Variants in SLC22A25 observed in about 807,000 individuals in gnomAD.
The protein encoded by SLC22A25 is MGI:2442751, MGI:2385316, MGI:3042283, MGI:3645714, MGI:3605624, MGI:2442750.
In SLC22A25, 44 loss-of-function variants were observed where a neutral mutation model predicts 45.9. The ratio of observed to expected loss-of-function variants is 0.96; its 90% CI spans 0.75 to 1.23. SLC22A25 has a LOEUF of 1.23. Ranked by LOEUF, SLC22A25 falls within the 50% of genes most tolerant of loss-of-function variation. SLC22A25 has a pLI of 0.00. For missense variants in SLC22A25, 800 were observed against 666.4 expected (o/e 1.20, Z -2.21); for synonymous variants, 283 against 238.6 (o/e 1.19, Z -1.72).
intron 7 of SLC22A25, among the ~76,000 whole-genome samples, chr11:63,190,419 C>T (rs2088760684): frequency 6.6e-6 from 1 of 152,134 alleles, no homozygotes; most frequent in African/African-American, 2.4e-5. Context: ...GACTTCTCTG[C>T]ATTGGTTATT....
intron 1 of SLC22A25, among the ~76,000 whole-genome samples, chr11:63,240,033 G>A (rs2134865198): frequency 6.6e-6 from 1 of 152,228 alleles, no homozygotes; most frequent in African/African-American, 2.4e-5. Flanking sequence ...AACCTATATG[G>A]TGTAGTCTAA....
chr11:63,158,839 T>A lies in SLC22A25; in HGVS notation c.*4985A>T, dbSNP rs2087515122. ...TCCTGTTGTGCTATCAAATAGTAGA[T>A]CTTATTCATTCTTTCCAACTTCCTT... On this transcript the variant is annotated 3_prime_UTR_variant, in exon 12 of 12. Transcript: ENST00000306494. Among the ~76,000 whole-genome samples the A allele has an allele frequency of 6.6e-6, 1 of 152,204 alleles. No homozygotes were observed. The highest frequency in any genetic ancestry group is 6.5e-5 in the Admixed American group (1 of 15,274).
chr11:63,182,289 TG>T (rs2088356353), intron 8 of SLC22A25, among the ~76,000 whole-genome samples: 1 of 152,106 alleles, frequency 6.6e-6, no homozygotes, highest in Non-Finnish European at 1.5e-5. Flanking sequence ...TGCTATTTTT[TG>T]GATTCTACTG....
At chr11:63,196,529 GA>G (rs2089038758) in intron 7 of SLC22A25, among the ~76,000 whole-genome samples, 2 of 152,156 alleles carry the variant, frequency 1.3e-5, no homozygotes, top group African/African-American at 4.8e-5. Flanking sequence ...AATAGATGCA[GA>G]AAAGGCCTTT....
At chr11:63,187,532 T>G (rs1439469107) in intron 7 of SLC22A25, among the ~76,000 whole-genome samples, 3 of 152,200 alleles carry the variant, frequency 2.0e-5, no homozygotes, top group Admixed American at 2.0e-4. Context: ...TTGAATACAT[T>G]TATTTCCTTC....
intron 1 of SLC22A25, among the ~76,000 whole-genome samples, chr11:63,241,953 C>T (rs183979212): frequency 3.9e-5 from 6 of 152,280 alleles, no homozygotes; most frequent in African/African-American, 1.4e-4. Context: ...CAAACTCTGT[C>T]AAACAGAAAT....
intron 3 of SLC22A25, among the ~76,000 whole-genome samples, chr11:63,234,088 T>A (rs1233468355): frequency 6.6e-6 from 1 of 152,220 alleles, no homozygotes; most frequent in Non-Finnish European, 1.5e-5. Flanking sequence ...AGGAGTGGTG[T>A]GGTGCTGAAA....
chr11:63,237,580 A>G (rs1177657373), intron 3 of SLC22A25, among the ~76,000 whole-genome samples: 1 of 152,164 alleles, frequency 6.6e-6, no homozygotes, highest in East Asian at 1.9e-4. Context: ...TAAATTACCT[A>G]TCCTGTGACC....
At chr11:63,164,854 A>G (rs2087625405) in intron 10 of SLC22A25, among the ~76,000 whole-genome samples, 1 of 152,224 alleles carries the variant, frequency 6.6e-6, no homozygotes, top group African/African-American at 2.4e-5. Context: ...ATCTGAGTTG[A>G]TGCTTCAATT....
Position 63,227,589 on chromosome 11 carries a change from G to A in SLC22A25, c.506+872C>T, listed in dbSNP as rs150608512. Among the ~76,000 whole-genome samples the A allele has an allele frequency of 2.5e-3, 374 of 152,282 alleles. 3 individuals are homozygous for A. The highest frequency in any genetic ancestry group is 8.7e-3 in the African/African-American group (361 of 41,562). On this transcript the variant is annotated intron_variant, in intron 5 of 11. Coordinates refer to ENST00000306494, the MANE Select transcript of SLC22A25 (RefSeq NM_199352.6). ...TGGAATGAAGGAGTCTATTTTGGAGGTGCAAGGTGCATTGTCTGTGGTTGG... is the reference window on the plus strand; with the variant it reads ...TGGAATGAAGGAGTCTATTTTGGAGATGCAAGGTGCATTGTCTGTGGTTGG...
chr11:63,230,428 C>T (rs372876226), intron 3 of SLC22A25, among the ~76,000 whole-genome samples: 1 of 152,026 alleles, frequency 6.6e-6, no homozygotes, highest in African/African-American at 2.4e-5. Context: ...ATGTGTACAA[C>T]CAGGTTCAAA....
At chr11:63,191,847 AC>A (rs1300159269) in intron 7 of SLC22A25, among the ~76,000 whole-genome samples, 1 of 152,226 alleles carries the variant, frequency 6.6e-6, no homozygotes, top group Non-Finnish European at 1.5e-5. Context: ...TCTACAACTG[AC>A]TGATGTACCT....
intron 3 of SLC22A25, among the ~76,000 whole-genome samples, chr11:63,232,932 A>G (rs562011877): frequency 4.5e-4 from 68 of 152,276 alleles, no homozygotes; most frequent in Non-Finnish European, 9.0e-4. Flanking sequence ...ATGCTGGATT[A>G]CTTTTATTGA....
intron 9 of SLC22A25, among the ~76,000 whole-genome samples, chr11:63,170,756 T>C (rs549429505): frequency 1.9e-4 from 28 of 148,858 alleles, no homozygotes; most frequent in African/African-American, 7.0e-4. Context: ...TTGGAACAAT[T>C]CCTTCTGAAA....
intron 10 of SLC22A25, 116 bp from the exon 11 acceptor site, chr11:63,164,750 T>C: frequency 5.2e-6 from 4 of 763,996 alleles, no homozygotes; most frequent in Middle Eastern, 3.7e-4. Flanking sequence ...AAATGTACTG[T>C]AGGAAAACTG....
intron 3 of SLC22A25, among the ~76,000 whole-genome samples, chr11:63,236,594 G>C (rs923594484): frequency 3.3e-5 from 5 of 152,100 alleles, no homozygotes; most frequent in African/African-American, 1.2e-4. Flanking sequence ...TGCTTCCTGG[G>C]TGAGGTGATG....
intron 7 of SLC22A25, among the ~76,000 whole-genome samples, chr11:63,194,523 T>C (rs1218574490): frequency 6.6e-6 from 1 of 152,050 alleles, no homozygotes; most frequent in African/African-American, 2.4e-5. Context: ...CTGAGAGATT[T>C]TGTCACCATC....
At chr11:63,165,017 C>T (rs958778269) in intron 10 of SLC22A25, among the ~76,000 whole-genome samples, 1 of 152,124 alleles carries the variant, frequency 6.6e-6, no homozygotes, top group African/African-American at 2.4e-5. Context: ...GTGTAAGACT[C>T]ATCCATGTCC....
rs1387315440 is a variant in SLC22A25, at chr11:63,183,792, G to A, written c.856C>T (p.Leu286Phe). The A allele has an allele frequency of 3.1e-6, 5 of 1,612,932 alleles. No individual in the cohort carries two copies. Among genetic ancestry groups the A allele is most frequent in the Non-Finnish European group, 4.2e-6 (5 of 1,179,308 alleles). The change falls in exon 8 of 12, where the codon CTC (leucine) becomes TTC (phenylalanine). Residue 286 changes from leucine (L) to phenylalanine (F), a missense_variant. Coordinates refer to ENST00000306494, the MANE Select transcript of SLC22A25 (RefSeq NM_199352.6). The stretch of plus-strand genomic sequence containing the variant: ...TCTTCTGGTTTGTTGTTGATAATGA[G>A]CCACCGAGCAGACTCTGCCAGCCAC... ...SRWLAESARWLIINNKPEEGL... is the reference protein window; with the variant it reads ...SRWLAESARWFIINNKPEEGL...
Sources: allele counts gnomAD v4.1 joint callset (sites outside exome capture counted in the v4.1 genomes callset), GRCh38; gene constraint gnomAD v4.1.1; transcripts MANE v1.5; gene names NCBI Gene and HGNC (gene_info 2026-07-23, HGNC 2026-07-21).